Variants in SLC22A4 observed in about 807,000 individuals in gnomAD.
SLC22A4 encodes solute carrier family 22 member 4.
In SLC22A4, 39 loss-of-function variants were observed where a neutral mutation model predicts 56.6. The ratio of observed to expected loss-of-function variants is 0.69; its 90% CI spans 0.53 to 0.90. The LOEUF is 0.90. Ranked by LOEUF, SLC22A4 falls within the 40% of genes least tolerant of loss-of-function variation. The probability of loss-of-function intolerance (pLI) is 0.00; values close to 1 mark genes in which losing one functional copy is unlikely to be tolerated. For missense variants in SLC22A4, 594 were observed against 696.5 expected, an observed-to-expected ratio of 0.85 and a Z score of 1.66; for synonymous variants, 241 against 281.4, an observed-to-expected ratio of 0.86 and a Z score of 1.44.
rs1751290855 is a variant in SLC22A4 at position 132,343,887 on chromosome 5, T to G, written c.*52T>G. 7 of 1,194,514 alleles carry G rather than the reference T, an allele frequency of 5.9e-6. No individual in the cohort carries two copies. Among genetic ancestry groups the G allele is most frequent in the Non-Finnish European group, 8.7e-6 (7 of 809,204 alleles). The allele number at this position is 1,194,514 out of a possible 1,614,324, so 74.0% of individuals were successfully genotyped here. On this transcript the variant is annotated 3_prime_UTR_variant, in exon 10 of 10. Transcript: ENST00000200652. The stretch of plus-strand genomic sequence containing the variant: ...TGAAAAACAGAAAAATAAGACCCTG[T>G]GGAGAAATTCGTTGTTCCCACTGAA...
chr5:132,342,365 T>G (rs1045390102), intron 9 of SLC22A4, among the ~76,000 whole-genome samples: 28 of 152,364 alleles, frequency 1.8e-4, no homozygotes, highest in Admixed American at 3.3e-4. Context: ...AAAAAAGTTA[T>G]TTGTCCACAT....
At chr5:132,331,716 C>T (rs1348892562) in intron 5 of SLC22A4, 40 bp from the exon 6 acceptor site, 1 of 1,373,644 alleles carries the variant, frequency 7.3e-7, no homozygotes, top group Non-Finnish European at 1.0e-6. Flanking sequence ...TTCCTTACTA[C>T]CTCTTAATCT....
chr5:132,318,064 G>C (rs1750414124), intron 3 of SLC22A4, among the ~76,000 whole-genome samples: 1 of 152,196 alleles, frequency 6.6e-6, no homozygotes, highest in South Asian at 2.1e-4. Context: ...CAAGGGAGTG[G>C]GGCACATATT....
chr5:132,301,279 G>C (rs528725553), intron 1 of SLC22A4, among the ~76,000 whole-genome samples: 1 of 152,370 alleles, frequency 6.6e-6, no homozygotes, highest in Admixed American at 6.5e-5. Context: ...CTCTAAGCTG[G>C]ATACCACTTC....
chr5:132,318,848 G>C (rs1201837382), intron 3 of SLC22A4, among the ~76,000 whole-genome samples: 22 of 152,172 alleles, frequency 1.4e-4, no homozygotes, highest in Admixed American at 1.4e-3. Flanking sequence ...AGAAGAGGCA[G>C]ATAGAGCATA....
intron 5 of SLC22A4, among the ~76,000 whole-genome samples, chr5:132,331,467 A>T (rs939537559): frequency 1.3e-5 from 2 of 152,192 alleles, no homozygotes; most frequent in African/African-American, 2.4e-5. Context: ...CCATTCTCTG[A>T]CTGTCAGTCA....
chr5:132,328,160 C>A (rs1422682286), intron 5 of SLC22A4, among the ~76,000 whole-genome samples: 2 of 152,154 alleles, frequency 1.3e-5, no homozygotes, highest in Non-Finnish European at 2.9e-5. Flanking sequence ...AGAAAGATAG[C>A]AGGGTGGCCC....
intron 3 of SLC22A4, among the ~76,000 whole-genome samples, chr5:132,318,400 C>T (rs1750426483): frequency 6.6e-6 from 1 of 152,198 alleles, no homozygotes. Context: ...CTAGTAGCAA[C>T]TCAGCATCAA....
At chr5:132,310,970 C>T (rs954526565) in intron 1 of SLC22A4, among the ~76,000 whole-genome samples, 1 of 151,732 alleles carries the variant, frequency 6.6e-6, no homozygotes, top group Non-Finnish European at 1.5e-5. Context: ...TTGCAACTTC[C>T]CTCCTCTTTA....
intron 8 of SLC22A4, among the ~76,000 whole-genome samples, chr5:132,336,307 T>C (rs1417177798): frequency 6.6e-6 from 1 of 152,168 alleles, no homozygotes; most frequent in Admixed American, 6.5e-5. Flanking sequence ...GTGGATCACC[T>C]GAGGCCAGGA....
chr5:132,332,090 G>A, intron 6 of SLC22A4: 2 of 458,752 alleles, frequency 4.4e-6, no homozygotes, highest in Non-Finnish European at 8.0e-6. Context: ...AAGGTGGGCA[G>A]ATCACCTGAG....
At chr5:132,296,603 T>C (rs1256227723) in intron 1 of SLC22A4, among the ~76,000 whole-genome samples, 1 of 152,246 alleles carries the variant, frequency 6.6e-6, no homozygotes, top group Non-Finnish European at 1.5e-5. Flanking sequence ...ATACCTACCC[T>C]GGGCCCTAAG....
intron 6 of SLC22A4, among the ~76,000 whole-genome samples, chr5:132,333,951 A>C (rs1416862559): frequency 6.6e-6 from 1 of 152,156 alleles, no homozygotes; most frequent in Non-Finnish European, 1.5e-5. Context: ...GATTATAGGC[A>C]CATGCCACCA....
chr5:132,332,973 C>T (rs1750911313), intron 6 of SLC22A4, among the ~76,000 whole-genome samples: 1 of 152,108 alleles, frequency 6.6e-6, no homozygotes, highest in Non-Finnish European at 1.5e-5. Flanking sequence ...TGCTACTAAG[C>T]TAATAAAAAA....
chr5:132,316,579 A>G (rs894592178), intron 3 of SLC22A4, among the ~76,000 whole-genome samples: 7 of 152,190 alleles, frequency 4.6e-5, no homozygotes, highest in African/African-American at 1.7e-4. Context: ...CTCTTGACTG[A>G]TTCATTAATT....
chr5:132,301,319 G>A (rs1749900153), intron 1 of SLC22A4, among the ~76,000 whole-genome samples: 1 of 152,232 alleles, frequency 6.6e-6, no homozygotes, highest in Admixed American at 6.5e-5. Flanking sequence ...GAGGCCCTGG[G>A]GGAACCTTGT....
At chr5:132,340,792 A>G (rs1297596215) in intron 9 of SLC22A4, 92 bp downstream of exon 9, 3 of 1,225,670 alleles carry the variant, frequency 2.4e-6, no homozygotes, top group African/African-American at 3.0e-5. Context: ...TAGAAGAGTA[A>G]TAAGTAGAGA....
chr5:132,302,876 C>T (rs1454099990), intron 1 of SLC22A4, among the ~76,000 whole-genome samples: 1 of 152,214 alleles, frequency 6.6e-6, no homozygotes, highest in Non-Finnish European at 1.5e-5. Flanking sequence ...GATCACAGAA[C>T]TCATCAGTGA....
At chr5:132,337,304 T>G (rs1751055264) in intron 8 of SLC22A4, among the ~76,000 whole-genome samples, 1 of 139,276 alleles carries the variant, frequency 7.2e-6, no homozygotes, top group Non-Finnish European at 1.5e-5. Context: ...TGAGACAGGG[T>G]CTCACTCTGG....
Sources: gnomAD v4.1 joint callset for allele counts (sites outside exome capture counted in the v4.1 genomes callset) on GRCh38, gnomAD v4.1.1 for gene constraint, MANE v1.5 for transcripts, NCBI Gene and HGNC (gene_info 2026-07-23, HGNC 2026-07-21) for gene names.